Variants in AHRR observed in about 807,000 individuals in gnomAD.
AHRR encodes ahR repressor.
Under a neutral mutation model 44.0 loss-of-function variants are expected in AHRR, and 28 were observed. The observed-to-expected ratio is 0.64, with a 90% confidence interval of 0.47 to 0.87. AHRR has a LOEUF of 0.87. Ranked by LOEUF, AHRR falls within the 40% of genes least tolerant of loss-of-function variation. The pLI is 0.00. For synonymous variants in AHRR, 434 were observed against 407.0 expected (o/e 1.07, Z -0.80); for missense variants, 990 against 953.9 (o/e 1.04, Z -0.50).
intron 5 of AHRR, chr5:420,908 A>G (rs1393085275): frequency 2.4e-5 from 3 of 125,572 alleles, no homozygotes; most frequent in Non-Finnish European, 4.1e-5. Flanking sequence ...CGCAGCACGC[A>G]CGCATCCAGG....
rs746902720 is a variant in AHRR, at chr5:423,983, T to C, written c.708+6T>C. On this transcript the variant is annotated splice_donor_region_variant and intron_variant, in intron 7 of 10. Transcript: ENST00000684583. Reference sequence around the variant, plus strand: ...ACAGCACCTCGGGCTTCCTGGTGAGTGCGTGGGTCCCTGGCAGGGGGCTCC... The same window carrying C: ...ACAGCACCTCGGGCTTCCTGGTGAGCGCGTGGGTCCCTGGCAGGGGGCTCC... The C allele has an allele frequency of 6.9e-6, 11 of 1,595,118 alleles. No individual in the cohort carries two copies. The highest frequency in any genetic ancestry group is 8.5e-6 in the Non-Finnish European group (10 of 1,176,948).
At chr5:415,071 A>G (rs1735662726) in intron 5 of AHRR, among the ~76,000 whole-genome samples, 1 of 152,192 alleles carries the variant, frequency 6.6e-6, no homozygotes, top group South Asian at 2.1e-4. Flanking sequence ...AGTTCCCAAG[A>G]CGTTCAGGCC....
chr5:345,312 ATGTGTGTGTGTGTGTGTGTGGGGATGTG>A (rs1290048537), intron 2 of AHRR, among the ~76,000 whole-genome samples: 1 of 13,892 alleles, frequency 7.2e-5, no homozygotes, highest in Non-Finnish European at 1.1e-4. Flanking sequence ...GTGTGTGGGG[ATGTGTGTGTGTGTGTGTGTGGGGATGTG>A]TGTGTGTGTG....
intron 1 of AHRR, among the ~76,000 whole-genome samples, chr5:341,054 G>A (rs182043149): frequency 2.0e-3 from 293 of 148,488 alleles, no homozygotes; most frequent in Non-Finnish European, 3.5e-3. Flanking sequence ...TCGCTATGTC[G>A]CCCAGGCTGG....
rs1262551110 is a variant in AHRR, at chr5:435,066, A to G, written c.*232A>G. 3 of 567,252 alleles carry G rather than the reference A, an allele frequency of 5.3e-6. No homozygotes were observed. The highest frequency in any genetic ancestry group is 2.9e-5 in the East Asian group (1 of 33,962). The allele number at this position is 567,252 out of a possible 1,614,324, so 35.1% of individuals were successfully genotyped here. Reference sequence around the variant, plus strand: ...AAACTGGCCTTAAGTCTATTCAAGCATGACAGCATTTCTCTTTGAGGAATT... The same window carrying G: ...AAACTGGCCTTAAGTCTATTCAAGCGTGACAGCATTTCTCTTTGAGGAATT... On this transcript the variant is annotated 3_prime_UTR_variant, in exon 11 of 11. Coordinates refer to ENST00000684583, the MANE Select transcript of AHRR (RefSeq NM_001377236.1).
At chr5:376,557 A>AACGCGGGGAAACACAGGAACGCT in intron 3 of AHRR, 53 bp from the exon 4 acceptor site, 1 of 1,423,184 alleles carries the variant, frequency 7.0e-7, no homozygotes, top group South Asian at 1.4e-5. Context: ...AATGAAGAAG[A>AACGCGGGGAAACACAGGAACGCT]GTGGCCAGGC....
chr5:424,107 C>T lies in AHRR; in HGVS notation c.708+130C>T, dbSNP rs531429691. 1.3e-3 allele frequency: 1,617 copies of T among 1,280,484 alleles called. 3 individuals are homozygous for T. Among genetic ancestry groups the T allele is most frequent in the Non-Finnish European group, 1.6e-3 (1,551 of 953,170 alleles). The allele number at this position is 1,280,484 out of a possible 1,614,324, so 79.3% of individuals were successfully genotyped here. On this transcript the variant is annotated intron_variant, in intron 7 of 10. Transcript: ENST00000684583. ...ATGTCCCTGGTGGAGGGACGGGGGCCGGTGCTGAGCTCTGTGTACCCTGTG... is the reference window on the plus strand; with the variant it reads ...ATGTCCCTGGTGGAGGGACGGGGGCTGGTGCTGAGCTCTGTGTACCCTGTG...
At chr5:400,145 G>C (rs190995504) in intron 4 of AHRR, among the ~76,000 whole-genome samples, 1 of 152,262 alleles carries the variant, frequency 6.6e-6, no homozygotes, top group African/African-American at 2.4e-5. Flanking sequence ...TTTACTCCGA[G>C]GAGGGGCAGC....
intron 5 of AHRR, among the ~76,000 whole-genome samples, chr5:417,865 C>A (rs903837390): frequency 6.6e-6 from 1 of 152,164 alleles, no homozygotes; most frequent in Non-Finnish European, 1.5e-5. Context: ...GCTTATTGTG[C>A]AAAATGCTTT....
intron 4 of AHRR, among the ~76,000 whole-genome samples, chr5:378,307 C>G (rs2126448386): frequency 6.6e-6 from 1 of 152,352 alleles, no homozygotes; most frequent in Non-Finnish European, 1.5e-5. Flanking sequence ...CCGCCTTGAG[C>G]CGGCACAGGC....
Position 367,875 on chromosome 5 carries a change from G to A in AHRR, c.245-8735G>A, listed in dbSNP as rs59865168. The A allele has an allele frequency of 6.6e-3, 4,623 of 702,542 alleles. 148 individuals are homozygous for A. The highest frequency in any genetic ancestry group is 0.064 in the Admixed American group (3,181 of 49,996). The allele number at this position is 702,542 out of a possible 1,614,324, so 43.5% of individuals were successfully genotyped here. ...ACACGGGCGAACGAAGGCCCATGTC[G>A]TTCAGGAGGCCCCGAGCATTGGACA... On this transcript the variant is annotated intron_variant, in intron 3 of 10. Transcript: ENST00000684583.
In AHRR at chr5:433,939, T is replaced by G; in HGVS notation, c.1199T>G (p.Leu400Arg). 2.6e-6 allele frequency: 4 copies of G among 1,541,508 alleles called. No homozygotes were observed. Among genetic ancestry groups the G allele is most frequent in the Non-Finnish European group, 3.5e-6 (4 of 1,143,958 alleles). Reference sequence around the variant, plus strand: ...GAGACTCCAGGACCCACAAAGCCCCTGCCCTGGACAGCGGGAAAGCACAGT... The same window carrying G: ...GAGACTCCAGGACCCACAAAGCCCCGGCCCTGGACAGCGGGAAAGCACAGT... The part of the protein sequence containing the change: ...RRETPGPTKP[L>R]PWTAGKHSED... The change falls in exon 11 of 11, where the codon CTG (leucine) becomes CGG (arginine). Residue 400 changes from leucine to arginine, a missense_variant. Transcript: ENST00000684583.
intron 3 of AHRR, among the ~76,000 whole-genome samples, chr5:375,415 G>A (rs955885460): frequency 2.2e-4 from 33 of 152,188 alleles, no homozygotes; most frequent in Non-Finnish European, 4.1e-4. Context: ...GTGGTGGGGG[G>A]CTGCTTTGGA....
chr5:353,904 C>T lies in AHRR; in HGVS notation c.237C>T (p.Phe79=). The T allele has an allele frequency of 6.2e-7, 1 of 1,612,924 alleles. No homozygotes were observed. The highest frequency in any genetic ancestry group is 8.5e-7 in the Non-Finnish European group (1 of 1,179,288). The change falls in exon 3 of 11, where the codon TTC becomes TTT. Residue 79 remains phenylalanine (F), a synonymous_variant. Transcript: ENST00000684583. The part of the protein sequence containing the change: ...LSVSYLRVKS[F]FQVVQEQSSR... ...TCAGTTACCTCCGGGTGAAGAGCTT[C>T]TTCCAAGGTAGGACTCTCACCTGCT...
At position 395,461 on chromosome 5, in the gene AHRR, T is replaced by C. The variant is rs1011169377; in HGVS notation, c.352-17883T>C. 2.6e-5 allele frequency among the ~76,000 whole-genome samples: 4 copies of C among 152,186 alleles called. No homozygotes were observed. The highest frequency in any genetic ancestry group is 9.7e-5 in the African/African-American group (4 of 41,438). On this transcript the variant is annotated intron_variant, in intron 4 of 10. Transcript: ENST00000684583. This position sits in a 1 kb window ranked among gnomAD's most constrained non-coding sequence, Gnocchi z 5.3. ...CACCAGTTCCCTGAAACAGAGCTTC[T>C]CAGCTCCAGGACTGGACAGGCAGCT... is the stretch of plus-strand genomic sequence containing the variant.
Position 394,058 on chromosome 5 carries a change from C to G in AHRR, c.351+17342C>G, listed in dbSNP as rs1452902996. Among the ~76,000 whole-genome samples, 5 of 152,232 alleles carry G rather than the reference C, an allele frequency of 3.3e-5. No homozygotes were observed. The South Asian group carries it at 8.3e-4, about 25-fold the overall frequency. ...CTGTCGCTGCACTGGTGGTGTCCCTCTCCATTCTTGCTTTTATCTTCTGGA... is the reference window on the plus strand; with the variant it reads ...CTGTCGCTGCACTGGTGGTGTCCCTGTCCATTCTTGCTTTTATCTTCTGGA... On this transcript the variant is annotated intron_variant, in intron 4 of 10. Transcript: ENST00000684583.
At chr5:396,037 G>A (rs996804985) in intron 4 of AHRR, among the ~76,000 whole-genome samples, 3 of 152,216 alleles carry the variant, frequency 2.0e-5, no homozygotes, top group African/African-American at 4.8e-5. Context: ...GGCTCTGGGA[G>A]CACAAAGTGG....
intron 4 of AHRR, among the ~76,000 whole-genome samples, chr5:403,402 A>G (rs1025945764): frequency 7.2e-5 from 11 of 152,122 alleles, no homozygotes; most frequent in Non-Finnish European, 1.3e-4. Flanking sequence ...TTGGGAGGCC[A>G]AGGCGGGTGG....
chr5:436,834 T>A lies in AHRR; in HGVS notation c.*2000T>A, dbSNP rs1402188730. 1.3e-5 allele frequency: 2 copies of A among 152,424 alleles called. No individual in the cohort carries two copies. The highest frequency in any genetic ancestry group is 2.9e-5 in the Non-Finnish European group (2 of 68,100). 9.4% of individuals were successfully genotyped at this position (152,424 alleles called of 1,614,324 possible). A position where few individuals can be genotyped will look rare whatever the true frequency, so the allele number is the denominator to read the frequency against. On this transcript the variant is annotated 3_prime_UTR_variant, in exon 11 of 11. Transcript: ENST00000684583. ...CAGTCACCTGTGGAGAGCAGGCACCTGTGAAGACCAGGCACCTGAGGACTG... is the reference window on the plus strand; with the variant it reads ...CAGTCACCTGTGGAGAGCAGGCACCAGTGAAGACCAGGCACCTGAGGACTG...
Sources: allele counts gnomAD v4.1 joint callset (sites outside exome capture counted in the v4.1 genomes callset), GRCh38; gene constraint gnomAD v4.1.1; non-coding constraint Gnocchi (gnomAD v3.1); transcripts MANE v1.5; gene names NCBI Gene and HGNC (gene_info 2026-07-23, HGNC 2026-07-21).